Variants in ARR3 observed in about 807,000 individuals in gnomAD.
The protein encoded by ARR3 is arrestin 3, also known as arrestin-C.
ARR3 carries 14 observed loss-of-function variants against 35.4 expected under a neutral mutation model. The ratio of observed to expected loss-of-function variants is 0.40; its 90% CI spans 0.26 to 0.62. The LOEUF (loss-of-function observed/expected upper bound fraction) is 0.62. ARR3 is among the 20% of genes least tolerant of loss of function. The probability of loss-of-function intolerance (pLI) is 0.46; values close to 1 mark genes in which losing one functional copy is unlikely to be tolerated. For missense variants in ARR3, 259 were observed against 303.8 expected (o/e 0.85, Z 1.10); for synonymous variants, 97 against 119.1 (o/e 0.81, Z 1.21).
intron 11 of ARR3, 23 bp from the exon 12 acceptor site, chrX:70,278,481 C>G (rs1330660033): frequency 1.7e-6 from 2 of 1,200,665 alleles, no homozygotes; most frequent in African/African-American, 3.5e-5. Context: ...AGCCTAAATT[C>G]TTCTCTTGTT....
chrX:70,271,680 T>C (rs754831861), intron 5 of ARR3, among the ~76,000 whole-genome samples: 40 of 112,213 alleles, frequency 3.6e-4, no homozygotes, highest in Non-Finnish European at 6.6e-4. Flanking sequence ...TGTTCAATTA[T>C]AGCAACAGAC....
chrX:70,281,363 T>A (rs945705442), intron 16 of ARR3: 2 of 446,610 alleles, frequency 4.5e-6, no homozygotes, highest in African/African-American at 5.0e-5. Context: ...TTTTTCTTTT[T>A]CCTTTTCCCC....
At position 70,278,576 on chromosome X, in the gene ARR3, G is replaced by T. The variant is rs1481600419; in HGVS notation, c.840G>T (p.Gln280His). The change falls in exon 12 of 17, where the codon CAG becomes CAT. Residue 280 changes from glutamine to histidine, a missense_variant. By Grantham distance (24) the Gln-to-His change is conservative. Coordinates refer to ENST00000307959, the MANE Select transcript of ARR3 (RefSeq NM_004312.3). ...AVTPILAASC[Q>H]KRGLALDGKL... is the part of the protein sequence containing the mutation. The stretch of plus-strand genomic sequence containing the variant: ...CCCCAATCCTGGCTGCCAGCTGCCA[G>T]AAACGGGGCCTGGCACTGGATGGCA... 8.3e-7 allele frequency: 1 copy of T among 1,211,880 alleles called. No homozygotes were observed. Among genetic ancestry groups the T allele is most frequent in the Non-Finnish European group, 1.1e-6 (1 of 895,455 alleles).
intron 5 of ARR3, 97 bp from the exon 6 acceptor site, chrX:70,275,985 A>T: frequency 1.0e-6 from 1 of 985,404 alleles, no homozygotes; most frequent in South Asian, 2.2e-5. Flanking sequence ...CCAGCCTTCG[A>T]TCATATTACA....
chrX:70,275,833 A>T (rs772693672), intron 5 of ARR3, among the ~76,000 whole-genome samples: 4 of 107,432 alleles, frequency 3.7e-5, no homozygotes, highest in African/African-American at 1.0e-4. Context: ...CCACCAAGCC[A>T]GGCTAATACT....
chrX:70,281,000 G>T, intron 15 of ARR3, 99 bp from the exon 16 acceptor site: 2 of 634,926 alleles, frequency 3.1e-6, no homozygotes, highest in East Asian at 1.4e-4. Context: ...GGATTGGGAA[G>T]TTGGGGGGGG....
intron 1 of ARR3, 51 bp from the exon 2 acceptor site, chrX:70,269,305 G>T (rs41303717): frequency 0.027 from 31,526 of 1,164,736 alleles, 442 homozygotes; most frequent in Admixed American, 0.098. Context: ...GGAGTGGGGT[G>T]AGAAGAATAG....
chrX:70,281,011 G>GC (rs2085680866), intron 15 of ARR3, 88 bp from the exon 16 acceptor site: 23 of 918,784 alleles, frequency 2.5e-5, no homozygotes, highest in Non-Finnish European at 3.4e-5. Flanking sequence ...TTGGGGGGGG[G>GC]GGAAGTAAAG....
intron 5 of ARR3, among the ~76,000 whole-genome samples, chrX:70,272,553 C>G (rs1470874537): frequency 8.9e-6 from 1 of 112,358 alleles, no homozygotes; most frequent in Non-Finnish European, 1.9e-5. Flanking sequence ...CCACAACGCC[C>G]TGTAATGCAC....
chrX:70,277,935 T>C, intron 10 of ARR3, 131 bp from the exon 11 acceptor site: 1 of 864,342 alleles, frequency 1.2e-6, no homozygotes, highest in South Asian at 2.3e-5. Context: ...CATATCTTGT[T>C]TTGTCAATGA....
chrX:70,276,005 T>C, intron 5 of ARR3, 77 bp from the exon 6 acceptor site: 1 of 1,071,597 alleles, frequency 9.3e-7, no homozygotes. Context: ...ATCACCTCTC[T>C]GTGTCTTCTT....
intron 15 of ARR3, 91 bp from the exon 16 acceptor site, chrX:70,281,008 G>GGC (rs1555941806): frequency 3.0e-5 from 29 of 957,635 alleles, no homozygotes; most frequent in Non-Finnish European, 4.0e-5. Context: ...AAGTTGGGGG[G>GGC]GGGGGAAGTA....
At position 70,281,686 on chromosome X, in the gene ARR3, A is replaced by G. The variant is rs2085686252; in HGVS notation, c.1087A>G (p.Ile363Val). 8.4e-7 allele frequency: 1 copy of G among 1,183,750 alleles called. No individual in the cohort carries two copies. Among genetic ancestry groups the G allele is most frequent in the Admixed American group, 2.4e-5 (1 of 41,703 alleles). Residue 363 changes from isoleucine (I) to valine (V), a missense_variant, in exon 17 of 17, where the codon ATA becomes GTA. Ile to Val is a conservative substitution (Grantham distance 29). Transcript: ENST00000307959. ...PSHEAASSED[I>V]VIEEFTRKGE... is the part of the protein sequence containing the mutation. ...TGCTGCTTCTGCAAGCTCTGAGGACATAGTCATCGAGGAGTTTACGCGGAA... is the reference window on the plus strand; with the variant it reads ...TGCTGCTTCTGCAAGCTCTGAGGACGTAGTCATCGAGGAGTTTACGCGGAA...
At chrX:70,278,382 T>C (rs2085663349) in intron 11 of ARR3, 122 bp from the exon 12 acceptor site, 1 of 907,823 alleles carries the variant, frequency 1.1e-6, no homozygotes, top group Non-Finnish European at 1.5e-6. Context: ...CAGTTAAACA[T>C]GTTACCTCTC....
At chrX:70,281,161 T>C (rs772324624) in intron 16 of ARR3, 53 bp downstream of exon 16, 1 of 1,191,893 alleles carries the variant, frequency 8.4e-7, no homozygotes, top group South Asian at 1.8e-5. Context: ...ATTTCCACCC[T>C]CCATGTTATG....
In ARR3 at chrX:70,277,799, A is replaced by G; in HGVS notation, c.693A>G (p.Ser231=). The change falls in exon 10 of 17, where the codon TCA becomes TCG. Residue 231 remains serine, a splice_region_variant and synonymous_variant. Transcript: ENST00000307959. ...AGGTCATCAAAAAAATCAAGATTTC[A>G]GGTGAGTTTCTTTTCCCATCCCTGT... ...TNKVIKKIKI[S]VDQITDVVLY... 5 of 1,204,866 alleles carry G rather than the reference A, an allele frequency of 4.1e-6. No individual in the cohort carries two copies. Among genetic ancestry groups the G allele is most frequent in the Non-Finnish European group, 5.6e-6 (5 of 890,502 alleles).
At chrX:70,274,352 C>T (rs753491954) in intron 5 of ARR3, among the ~76,000 whole-genome samples, 10 of 110,417 alleles carry the variant, frequency 9.1e-5, no homozygotes, top group Non-Finnish European at 1.5e-4. Context: ...CAGGTGTATG[C>T]CACCATGCCC....
intron 2 of ARR3, 102 bp downstream of exon 2, chrX:70,269,495 T>G (rs2085621050): frequency 1.0e-6 from 1 of 985,385 alleles, no homozygotes; most frequent in African/African-American, 1.9e-5. Flanking sequence ...CCCTAACTTG[T>G]GTCCTTGGAT....
chrX:70,276,469 C>T lies in ARR3; in HGVS notation c.382C>T (p.Pro128Ser). ...CCTGCCCTGTTCTGTGACACTGCAG[C>T]CAGGTCCTGAAGATGCAGGAAAGGT... ...TNLPCSVTLQ[P>S]GPEDAGKPCG... is the part of the protein sequence containing the mutation. Residue 128 changes from proline to serine, a missense_variant, in exon 7 of 17, where the codon CCA becomes TCA. Transcript: ENST00000307959. 3 of 1,211,667 alleles carry T rather than the reference C, an allele frequency of 2.5e-6. No homozygotes were observed. The highest frequency in any genetic ancestry group is 5.9e-5 in the East Asian group (2 of 33,872).
Sources: allele counts gnomAD v4.1 joint callset (sites outside exome capture counted in the v4.1 genomes callset), GRCh38; gene constraint gnomAD v4.1.1; transcripts MANE v1.5; gene names NCBI Gene and HGNC (gene_info 2026-07-23, HGNC 2026-07-21).